PHACTR2: variants seen among roughly 807,000 people sequenced by gnomAD.
PHACTR2 encodes the protein chromosome 6 open reading frame 56.
PHACTR2 carries 30 observed loss-of-function variants against 76.0 expected under a neutral mutation model. The ratio of observed to expected loss-of-function variants is 0.39; its 90% CI spans 0.30 to 0.54. The LOEUF is 0.54. Among genes scored for constraint, PHACTR2 ranks in the 20% least tolerant of loss-of-function variants. The pLI is 0.61. For missense variants in PHACTR2, 696 were observed against 781.1 expected (o/e 0.89, Z 1.30); for synonymous variants, 292 against 292.5 (o/e 1.00, Z 0.02).
rs1776797268 is a variant in PHACTR2 at position 143,653,423 on chromosome 6, T to A, written c.13+45101T>A. On this transcript the variant is annotated intron_variant, in intron 1 of 11. Coordinates refer to the PHACTR2 transcript ENST00000305766. This position sits in a 1 kb window ranked among gnomAD's most constrained non-coding sequence, Gnocchi z 4.9. ...GGGCAAAGGAAAAAAATCTCCAAGC[T>A]TTTTGATATGGTGCTTTGAAGACAC... is the stretch of plus-strand genomic sequence containing the variant. 6.6e-6 allele frequency among the ~76,000 whole-genome samples: 1 copy of A among 152,152 alleles called. No individual in the cohort carries two copies.
intron 2 of PHACTR2, among the ~76,000 whole-genome samples, chr6:143,740,397 A>G (rs761051243): frequency 6.6e-6 from 1 of 151,684 alleles, no homozygotes; most frequent in Non-Finnish European, 1.5e-5. Flanking sequence ...GCAGCCCAGC[A>G]GGTCTTAGCC....
rs1469113837 is a variant in PHACTR2 at position 143,722,126 on chromosome 6, A to G, written c.214+9943A>G. On this transcript the variant is annotated intron_variant, in intron 2 of 12. Transcript: ENST00000440869. The surrounding 1 kb of genome is among the most constrained non-coding windows in gnomAD (Gnocchi z 4.1). ...CTGGAAGTTCCCATGAAAACTCTCT[A>G]TCACTTTTCTGCTTATTTAATGTTC... Among the ~76,000 whole-genome samples the G allele has an allele frequency of 6.6e-6, 1 of 152,184 alleles. No homozygotes were observed. Among genetic ancestry groups the G allele is most frequent in the Non-Finnish European group, 1.5e-5 (1 of 68,026 alleles).
rs1379132511 is a variant in PHACTR2, at chr6:143,761,708, C to T, written c.694+1068C>T. 2.0e-5 allele frequency among the ~76,000 whole-genome samples: 3 copies of T among 151,890 alleles called. No individual in the cohort carries two copies. The highest frequency in any genetic ancestry group is 2.9e-5 in the Non-Finnish European group (2 of 67,990). ...GGCAGAAGTTGCGGTGAGCTGAGAT[C>T]GCGCCACTGCACTCCAGCCTGGGCG... On this transcript the variant is annotated intron_variant, in intron 5 of 12. Coordinates refer to ENST00000440869, the MANE Select transcript of PHACTR2 (RefSeq NM_001100164.2). The surrounding 1 kb of genome is among the most constrained non-coding windows in gnomAD (Gnocchi z 5.2).
At chr6:143,763,642 C>A (rs1271160126) in intron 5 of PHACTR2, among the ~76,000 whole-genome samples, 1 of 152,136 alleles carries the variant, frequency 6.6e-6, no homozygotes, top group African/African-American at 2.4e-5. Flanking sequence ...GACCCCAAAA[C>A]CATAGGGATT....
At position 143,598,942 on chromosome 6, in the gene PHACTR2, T is replaced by A. The variant is rs138908400; in HGVS notation, c.217+61735T>A. ...TTAGTGGCGTGAATAGTAAACATAG[T>A]AGATTAGTCCTTTGTAATTAAATTT... is the stretch of plus-strand genomic sequence containing the variant. On this transcript the variant is annotated intron_variant, in intron 1 of 11. Transcript: ENST00000367584. This position sits in a 1 kb window ranked among gnomAD's most constrained non-coding sequence, Gnocchi z 4.1. Among the ~76,000 whole-genome samples the A allele has an allele frequency of 6.0e-3, 914 of 152,278 alleles. 6 individuals carry two copies. Among genetic ancestry groups the A allele is most frequent in the Non-Finnish European group, 0.01 (705 of 68,014 alleles).
At position 143,621,459 on chromosome 6, in the gene PHACTR2, A is replaced by C. The variant is rs1443479420; in HGVS notation, c.13+13137A>C. ...GAAGCCAGCAGCTACAAGGAAGCTCACCTGTCAAGCACCAACGCTTTATTT... is the reference window on the plus strand; with the variant it reads ...GAAGCCAGCAGCTACAAGGAAGCTCCCCTGTCAAGCACCAACGCTTTATTT... On this transcript the variant is annotated intron_variant, in intron 1 of 11. Coordinates refer to the PHACTR2 transcript ENST00000305766. The surrounding 1 kb of genome is among the most constrained non-coding windows in gnomAD (Gnocchi z 4.1). Among the ~76,000 whole-genome samples the C allele has an allele frequency of 6.6e-6, 1 of 152,174 alleles. No individual in the cohort carries two copies. Among genetic ancestry groups the C allele is most frequent in the Non-Finnish European group, 1.5e-5 (1 of 68,008 alleles).
Position 143,546,199 on chromosome 6 carries a change from G to A in PHACTR2, c.217+8992G>A, listed in dbSNP as rs9484764. On this transcript the variant is annotated intron_variant, in intron 1 of 11. Coordinates refer to the PHACTR2 transcript ENST00000367584. This position sits in a 1 kb window ranked among gnomAD's most constrained non-coding sequence, Gnocchi z 4.9. ...GCACAGAGAAGTAGGTTGCAGCAGC[G>A]TGCCTTAGAAAGATTTCTGAGCTCT... Among the ~76,000 whole-genome samples, 2 of 151,874 alleles carry A rather than the reference G, an allele frequency of 1.3e-5. No homozygotes were observed. Among genetic ancestry groups the A allele is most frequent in the South Asian group, 2.1e-4 (1 of 4,830 alleles).
chr6:143,645,530 G>A (rs959355278), intron 1 of PHACTR2, among the ~76,000 whole-genome samples: 1 of 152,140 alleles, frequency 6.6e-6, no homozygotes, highest in Admixed American at 6.5e-5. Flanking sequence ...TGTAGGTCCA[G>A]CATTCCCAAG....
chr6:143,678,047 C>A lies in PHACTR2; in HGVS notation c.-117C>A. The A allele has an allele frequency of 6.6e-7, 1 of 1,521,636 alleles. No homozygotes were observed. The highest frequency in any genetic ancestry group is 8.8e-7 in the Non-Finnish European group (1 of 1,131,522). 94.3% of individuals were successfully genotyped at this position (1,521,636 alleles called of 1,614,324 possible). ...CGGGGTAGAAGGTGAGGGGACCCGG[C>A]GGGCCGCTCGGCACAGGCCGGGACA... On this transcript the variant is annotated 5_prime_UTR_variant, in exon 1 of 13. Transcript: ENST00000440869. The surrounding 1 kb of genome is among the most constrained non-coding windows in gnomAD (Gnocchi z 6.2).
intron 1 of PHACTR2, among the ~76,000 whole-genome samples, chr6:143,705,545 C>G (rs1052135193): frequency 1.3e-5 from 2 of 152,182 alleles, no homozygotes; most frequent in African/African-American, 4.8e-5. Context: ...ATCTGCCCAC[C>G]TCAGCCTTCC....
At chr6:143,594,175 C>T (rs1189273752) in intron 1 of PHACTR2, among the ~76,000 whole-genome samples, 1 of 152,226 alleles carries the variant, frequency 6.6e-6, no homozygotes, top group East Asian at 1.9e-4. Context: ...AAATTACCAT[C>T]AGGCTACATG....
intron 2 of PHACTR2, among the ~76,000 whole-genome samples, chr6:143,729,517 G>C (rs1778655091): frequency 6.6e-6 from 1 of 152,052 alleles, no homozygotes; most frequent in Admixed American, 6.6e-5. Flanking sequence ...TTTATGCAAG[G>C]GGTGAGGTTT....
rs564966842 is a variant in PHACTR2, at chr6:143,583,305, G to C, written c.217+46098G>C. On this transcript the variant is annotated intron_variant, in intron 1 of 11. Transcript: ENST00000367584. The surrounding 1 kb of genome is among the most constrained non-coding windows in gnomAD (Gnocchi z 4.0). Reference sequence around the variant, plus strand: ...AAAGCACTTATACCATGTGAGAATGGGTTACAGAAACACATGCTAGCAGCA... The same window carrying C: ...AAAGCACTTATACCATGTGAGAATGCGTTACAGAAACACATGCTAGCAGCA... Among the ~76,000 whole-genome samples, 2 of 152,186 alleles carry C rather than the reference G, an allele frequency of 1.3e-5. No individual in the cohort carries two copies. Among genetic ancestry groups the C allele is most frequent in the Non-Finnish European group, 2.9e-5 (2 of 68,034 alleles).
chr6:143,608,604 A>G lies in PHACTR2; in HGVS notation c.13+282A>G, dbSNP rs933543736. On this transcript the variant is annotated intron_variant, in intron 1 of 11. Transcript: ENST00000305766. The surrounding 1 kb of genome is among the most constrained non-coding windows in gnomAD (Gnocchi z 4.6). ...TGTGGTGTTTGATTCTTTTGTGCTC[A>G]GAGCGATGGGTGGAAAATGCATACA... 1.3e-5 allele frequency among the ~76,000 whole-genome samples: 2 copies of G among 152,206 alleles called. No individual in the cohort carries two copies. The highest frequency in any genetic ancestry group is 3.2e-3 in the Middle Eastern group (1 of 316).
chr6:143,700,948 T>C lies in PHACTR2; in HGVS notation c.47-11068T>C, dbSNP rs528259818. ...CCTAAGCAGTCATCCTATCTGTTCA[T>C]AGAGACAACCCTTCCCTTGTAGCGA... On this transcript the variant is annotated intron_variant, in intron 1 of 12. Coordinates refer to ENST00000440869, the MANE Select transcript of PHACTR2 (RefSeq NM_001100164.2). This position sits in a 1 kb window ranked among gnomAD's most constrained non-coding sequence, Gnocchi z 4.1. Among the ~76,000 whole-genome samples, 11 of 152,378 alleles carry C rather than the reference T, an allele frequency of 7.2e-5. 1 individual carries two copies. In the South Asian group the frequency reaches 2.3e-3, roughly 32 times the overall value.
chr6:143,746,869 T>C (rs985359829), intron 2 of PHACTR2, among the ~76,000 whole-genome samples: 1 of 151,998 alleles, frequency 6.6e-6, no homozygotes, highest in Non-Finnish European at 1.5e-5. Context: ...CCCGGTTAAC[T>C]TTTTTCATTG....
chr6:143,781,794 A>G (rs1775439479), intron 9 of PHACTR2, among the ~76,000 whole-genome samples: 1 of 152,248 alleles, frequency 6.6e-6, no homozygotes, highest in African/African-American at 2.4e-5. Flanking sequence ...CTTTCATAGG[A>G]AGAAATTTAA....
intron 1 of PHACTR2, among the ~76,000 whole-genome samples, chr6:143,645,867 G>T (rs962173045): frequency 2.6e-5 from 4 of 152,102 alleles, no homozygotes; most frequent in Admixed American, 1.3e-4. Context: ...AGTACCAGAA[G>T]AAAATATTTT....
Position 143,829,143 on chromosome 6 carries a change from A to G in PHACTR2, c.*5454A>G, listed in dbSNP as rs562563612. ...GCCTAGTCCCTATATATATATACTT[A>G]AAGTCCCTATATATACTTAAAGGAG... On this transcript the variant is annotated 3_prime_UTR_variant, in exon 13 of 13. Coordinates refer to ENST00000440869, the MANE Select transcript of PHACTR2 (RefSeq NM_001100164.2). The G allele has an allele frequency of 1.3e-5, 2 of 151,042 alleles. No homozygotes were observed. The highest frequency in any genetic ancestry group is 2.1e-4 in the South Asian group (1 of 4,774). 9.4% of individuals were successfully genotyped at this position (151,042 alleles called of 1,614,324 possible). A position where few individuals can be genotyped will look rare whatever the true frequency, so the allele number is the denominator to read the frequency against.
Sources: gnomAD v4.1 joint callset for allele counts (sites outside exome capture counted in the v4.1 genomes callset) on GRCh38, gnomAD v4.1.1 for gene constraint, Gnocchi (gnomAD v3.1) non-coding constraint, MANE v1.5 for transcripts, NCBI Gene and HGNC (gene_info 2026-07-23, HGNC 2026-07-21) for gene names.